SLC35F1: variants seen among roughly 807,000 people sequenced by gnomAD.
SLC35F1 encodes chromosome 6 open reading frame 169.
A neutral mutation model predicts 48.7 loss-of-function variants in SLC35F1; 14 were observed. That is an observed-to-expected ratio of 0.29 (90% CI 0.19 to 0.45). The LOEUF (loss-of-function observed/expected upper bound fraction) is 0.45. Among genes scored for constraint, SLC35F1 ranks in the 20% least tolerant of loss-of-function variants. The probability of loss-of-function intolerance (pLI) is 1.00; values close to 1 mark genes in which losing one functional copy is unlikely to be tolerated. For synonymous variants in SLC35F1, 190 were observed against 202.2 expected, an observed-to-expected ratio of 0.94 and a Z score of 0.51; for missense variants, 404 against 500.0, an observed-to-expected ratio of 0.81 and a Z score of 1.83.
At chr6:118,000,171 C>A (rs1363780519) in intron 1 of SLC35F1, among the ~76,000 whole-genome samples, 1 of 152,204 alleles carries the variant, frequency 6.6e-6, no homozygotes, top group Non-Finnish European at 1.5e-5. Flanking sequence ...GACCAATATC[C>A]TTGATGAACA....
chr6:118,127,190 A>C (rs1773639163), intron 1 of SLC35F1, among the ~76,000 whole-genome samples: 1 of 151,706 alleles, frequency 6.6e-6, no homozygotes, highest in African/African-American at 2.4e-5. Context: ...TTTAGCATGA[A>C]GGGTTGTTGA....
intron 1 of SLC35F1, among the ~76,000 whole-genome samples, chr6:118,128,677 G>A (rs1028671058): frequency 2.6e-5 from 4 of 151,932 alleles, no homozygotes; most frequent in Non-Finnish European, 4.4e-5. Context: ...GGGAGGAGGG[G>A]GGAGGGATAG....
chr6:118,053,931 T>C (rs1772426458), intron 1 of SLC35F1, among the ~76,000 whole-genome samples: 1 of 152,180 alleles, frequency 6.6e-6, no homozygotes, highest in Non-Finnish European at 1.5e-5. Context: ...TTTTACATTG[T>C]TATTAGCAAT....
chr6:118,138,716 T>G (rs1044426172), intron 1 of SLC35F1, among the ~76,000 whole-genome samples: 38 of 152,310 alleles, frequency 2.5e-4, no homozygotes, highest in African/African-American at 8.9e-4. Flanking sequence ...TTTGCTTTTT[T>G]TTTTAAAGAT....
At chr6:118,254,148 T>C (rs1160511657) in intron 3 of SLC35F1, among the ~76,000 whole-genome samples, 2 of 152,074 alleles carry the variant, frequency 1.3e-5, no homozygotes, top group African/African-American at 2.4e-5. Flanking sequence ...AAATGTGTGT[T>C]CATTGGCAGC....
intron 2 of SLC35F1, among the ~76,000 whole-genome samples, chr6:118,230,937 G>T (rs898225802): frequency 2.0e-5 from 3 of 152,184 alleles, no homozygotes; most frequent in South Asian, 2.1e-4. Flanking sequence ...CTCCAGTCTG[G>T]GAGACAGAGA....
intron 2 of SLC35F1, among the ~76,000 whole-genome samples, chr6:118,215,211 A>T (rs1329840353): frequency 2.0e-5 from 3 of 152,110 alleles, no homozygotes; most frequent in African/African-American, 7.2e-5. Flanking sequence ...GTTCTGTTCC[A>T]TGGGGATTTC....
At chr6:117,967,185 G>A (rs1582590663) in intron 1 of SLC35F1, among the ~76,000 whole-genome samples, 4 of 151,956 alleles carry the variant, frequency 2.6e-5, no homozygotes. Context: ...AACATTCTTA[G>A]AGCACACAGA....
At chr6:118,194,852 C>T (rs2114527246) in intron 2 of SLC35F1, among the ~76,000 whole-genome samples, 1 of 152,244 alleles carries the variant, frequency 6.6e-6, no homozygotes, top group Middle Eastern at 3.4e-3. Flanking sequence ...GCTTGCCACA[C>T]TATAGCCCTG....
intron 1 of SLC35F1, among the ~76,000 whole-genome samples, chr6:117,963,822 TGG>T (rs1776527132): frequency 6.6e-6 from 1 of 151,752 alleles, no homozygotes; most frequent in Non-Finnish European, 1.5e-5. Context: ...TTTTAAGTTC[TGG>T]GATACATGTG....
At chr6:117,943,910 A>G (rs927021869) in intron 1 of SLC35F1, among the ~76,000 whole-genome samples, 8 of 152,150 alleles carry the variant, frequency 5.3e-5, no homozygotes, top group African/African-American at 1.4e-4. Context: ...AGAGTGTTCA[A>G]ACTTTGTAAG....
intron 1 of SLC35F1, among the ~76,000 whole-genome samples, chr6:118,017,234 TC>T (rs1318903742): frequency 7.9e-5 from 12 of 152,332 alleles, no homozygotes; most frequent in African/African-American, 2.9e-4. Context: ...GACTTCCCGA[TC>T]CTAGAGTAAA....
At chr6:117,945,612 A>T (rs1776286431) in intron 1 of SLC35F1, among the ~76,000 whole-genome samples, 2 of 152,202 alleles carry the variant, frequency 1.3e-5, no homozygotes, top group African/African-American at 4.8e-5. Flanking sequence ...TAGTAGCAGC[A>T]TTCTTTTCCC....
At chr6:118,141,343 G>A (rs1773886525) in intron 1 of SLC35F1, among the ~76,000 whole-genome samples, 1 of 152,196 alleles carries the variant, frequency 6.6e-6, no homozygotes, top group African/African-American at 2.4e-5. Flanking sequence ...TAGCCTAGGA[G>A]CAATAGTATA....
At chr6:118,198,737 ATGTG>A (rs1221412314) in intron 2 of SLC35F1, among the ~76,000 whole-genome samples, 1 of 152,170 alleles carries the variant, frequency 6.6e-6, no homozygotes, top group East Asian at 1.9e-4. Flanking sequence ...GTGTATATGT[ATGTG>A]TATGTATGTT....
At chr6:118,157,412 G>T (rs779942468) in intron 2 of SLC35F1, among the ~76,000 whole-genome samples, 1 of 152,122 alleles carries the variant, frequency 6.6e-6, no homozygotes, top group Non-Finnish European at 1.5e-5. Flanking sequence ...CTCTAGAGCC[G>T]CAGGACTAAT....
rs74680632 is a variant in SLC35F1 at position 118,199,177 on chromosome 6, G to A, written c.350-36332G>A. On this transcript the variant is annotated intron_variant, in intron 2 of 7. Coordinates refer to ENST00000360388, the MANE Select transcript of SLC35F1 (RefSeq NM_001029858.4). Reference sequence around the variant, plus strand: ...TCTAGGAAGGATGAGGAGAAGACCTGGGCTATTCAAGACAGTTCTTTCTTA... The same window carrying A: ...TCTAGGAAGGATGAGGAGAAGACCTAGGCTATTCAAGACAGTTCTTTCTTA... 4.0e-3 allele frequency among the ~76,000 whole-genome samples: 603 copies of A among 152,238 alleles called. 28 individuals are homozygous for A. In the East Asian group the frequency reaches 0.1, roughly 26 times the overall value.
intron 1 of SLC35F1, among the ~76,000 whole-genome samples, chr6:118,137,896 C>T (rs938150028): frequency 4.6e-5 from 7 of 152,122 alleles, no homozygotes; most frequent in African/African-American, 1.7e-4. Context: ...TCTGCCTTTA[C>T]CCCTAACATA....
intron 1 of SLC35F1, among the ~76,000 whole-genome samples, chr6:118,067,575 A>G (rs1347327655): frequency 1.3e-5 from 2 of 152,228 alleles, no homozygotes; most frequent in Non-Finnish European, 2.9e-5. Context: ...GCCAGGAGAC[A>G]GAGAATTTCA....
Sources: allele counts gnomAD v4.1 joint callset (sites outside exome capture counted in the v4.1 genomes callset), GRCh38; gene constraint gnomAD v4.1.1; transcripts MANE v1.5; gene names NCBI Gene and HGNC (gene_info 2026-07-23, HGNC 2026-07-21).